PEX14: variants seen among roughly 807,000 people sequenced by gnomAD.
The protein encoded by PEX14 is peroxisomal membrane protein PEX14.
In PEX14, 15 loss-of-function variants were observed where a neutral mutation model predicts 49.5. That is an observed-to-expected ratio of 0.30 (90% confidence interval 0.20 to 0.47). The LOEUF is 0.47. PEX14 is among the 20% of genes least tolerant of loss of function. The pLI, the probability that PEX14 is intolerant of heterozygous loss-of-function variation, is 1.00. For synonymous variants in PEX14, 210 were observed against 212.7 expected (o/e 0.99, Z 0.11); for missense variants, 398 against 494.8 (o/e 0.80, Z 1.86).
rs141569127 is a variant in PEX14 at position 10,493,150 on chromosome 1, C to T, written c.37-2124C>T. Among the ~76,000 whole-genome samples, 394 of 152,264 alleles carry T rather than the reference C, an allele frequency of 2.6e-3. 1 individual carries two copies. The highest frequency in any genetic ancestry group is 8.9e-3 in the African/African-American group (368 of 41,550). On this transcript the variant is annotated intron_variant, in intron 1 of 8. Coordinates refer to ENST00000356607, the MANE Select transcript of PEX14 (RefSeq NM_004565.3). Reference sequence around the variant, plus strand: ...AGACCTGAGGTGTAGTCAGAGTAGACGTGAGGCCTTGTAGGCCACGCTGAG... The same window carrying T: ...AGACCTGAGGTGTAGTCAGAGTAGATGTGAGGCCTTGTAGGCCACGCTGAG...
chr1:10,627,967 G>A (rs999736992), intron 8 of PEX14, among the ~76,000 whole-genome samples: 2 of 151,926 alleles, frequency 1.3e-5, no homozygotes, highest in East Asian at 1.9e-4. Flanking sequence ...ATGGAGTCTC[G>A]CTCTGTTGCC....
intron 5 of PEX14, among the ~76,000 whole-genome samples, chr1:10,622,373 C>T (rs1464590739): frequency 6.6e-6 from 1 of 152,202 alleles, no homozygotes; most frequent in Non-Finnish European, 1.5e-5. Flanking sequence ...GAAGTTTGTT[C>T]TGAGGATTCA....
chr1:10,554,879 G>T (rs1639440907), intron 3 of PEX14, among the ~76,000 whole-genome samples: 1 of 152,014 alleles, frequency 6.6e-6, no homozygotes, highest in South Asian at 2.1e-4. Flanking sequence ...CATACACCCA[G>T]CTAATTTTTG....
chr1:10,537,341 A>ACCCG (rs1553187431), intron 3 of PEX14, among the ~76,000 whole-genome samples: 2 of 28,448 alleles, frequency 7.0e-5, no homozygotes, highest in African/African-American at 2.8e-4. Context: ...TTGTGCCAGC[A>ACCCG]CCCCCCCCCC....
At chr1:10,486,408 A>G (rs1374991735) in intron 1 of PEX14, among the ~76,000 whole-genome samples, 4 of 148,424 alleles carry the variant, frequency 2.7e-5, no homozygotes, top group Non-Finnish European at 5.9e-5. Context: ...GGCCAGGCAC[A>G]GTGGCTCACG....
At chr1:10,479,945 G>A (rs1196653061) in intron 1 of PEX14, among the ~76,000 whole-genome samples, 1 of 152,124 alleles carries the variant, frequency 6.6e-6, no homozygotes, top group East Asian at 1.9e-4. Flanking sequence ...TGTAGTGCAC[G>A]ATGATCACAT....
intron 7 of PEX14, among the ~76,000 whole-genome samples, chr1:10,625,286 A>G (rs895530827): frequency 6.6e-6 from 1 of 152,028 alleles, no homozygotes; most frequent in Non-Finnish European, 1.5e-5. Flanking sequence ...GTAGCTCCAG[A>G]ACACCCACTG....
chr1:10,616,965 A>C (rs989222316), intron 4 of PEX14: 3 of 151,822 alleles, frequency 2.0e-5, no homozygotes, highest in Non-Finnish European at 4.4e-5. Context: ...TTCTGCATCA[A>C]TATGGTGACC....
chr1:10,612,411 A>G (rs1641299829), intron 4 of PEX14, among the ~76,000 whole-genome samples: 1 of 152,130 alleles, frequency 6.6e-6, no homozygotes, highest in African/African-American at 2.4e-5. Flanking sequence ...CTTCCTGCCT[A>G]AAGATGACAC....
intron 2 of PEX14, 79 bp from the exon 3 acceptor site, chr1:10,536,134 A>G: frequency 1.1e-6 from 1 of 922,536 alleles, no homozygotes; most frequent in Non-Finnish European, 1.8e-6. Context: ...TGGAGCTGGG[A>G]AAAACTCCTA....
At chr1:10,627,009 C>T (rs938231026) in intron 7 of PEX14, among the ~76,000 whole-genome samples, 17 of 152,208 alleles carry the variant, frequency 1.1e-4, no homozygotes. Context: ...CTCTAAAAGA[C>T]GCCCACGATA....
At chr1:10,580,312 C>T (rs1640276951) in intron 3 of PEX14, among the ~76,000 whole-genome samples, 3 of 152,102 alleles carry the variant, frequency 2.0e-5, no homozygotes, top group Non-Finnish European at 4.4e-5. Context: ...GCAACTTCTG[C>T]CTCCCAGGTT....
intron 3 of PEX14, among the ~76,000 whole-genome samples, chr1:10,561,282 G>C (rs1570268981): frequency 6.6e-6 from 1 of 152,072 alleles, no homozygotes; most frequent in Non-Finnish European, 1.5e-5. Flanking sequence ...CATTTCTTTT[G>C]TATCTCAGAT....
At chr1:10,580,132 A>G (rs1325895084) in intron 3 of PEX14, among the ~76,000 whole-genome samples, 1 of 152,190 alleles carries the variant, frequency 6.6e-6, no homozygotes, top group Non-Finnish European at 1.5e-5. Flanking sequence ...ACAATAATGT[A>G]GTGTTAGATT....
At chr1:10,486,637 C>T (rs1641373209) in intron 1 of PEX14, among the ~76,000 whole-genome samples, 1 of 151,766 alleles carries the variant, frequency 6.6e-6, no homozygotes, top group East Asian at 1.9e-4. Context: ...AGCTATGTCA[C>T]ACCACTGCAC....
chr1:10,522,854 T>C (rs892864521), intron 2 of PEX14, among the ~76,000 whole-genome samples: 1 of 152,264 alleles, frequency 6.6e-6, no homozygotes, highest in South Asian at 2.1e-4. Context: ...CTGGGAATTA[T>C]GTAAAATGGA....
chr1:10,624,884 C>T (rs182462117), intron 7 of PEX14, among the ~76,000 whole-genome samples: 3 of 152,208 alleles, frequency 2.0e-5, no homozygotes, highest in Non-Finnish European at 2.9e-5. Context: ...CCATCCACAC[C>T]GCAGTGCAGC....
Position 10,570,917 on chromosome 1 carries a change from A to C in PEX14, c.170-28321A>C, listed in dbSNP as rs373828473. ...GGCTGGAGTGCAGTGGCGTGATCAC[A>C]GCTCACTGCAGTCTTGACCTCCCCA... On this transcript the variant is annotated intron_variant, in intron 3 of 8. Transcript: ENST00000356607. 3.2e-3 allele frequency among the ~76,000 whole-genome samples: 437 copies of C among 135,958 alleles called. 2 individuals are homozygous for C. The highest frequency in any genetic ancestry group is 0.011 in the African/African-American group (401 of 37,106). 89.2% of individuals were successfully genotyped at this position (135,958 alleles called of 152,430 possible). A position where few individuals can be genotyped will look rare whatever the true frequency, so the allele number is the denominator to read the frequency against.
In PEX14 at chr1:10,618,367, C is replaced by T; in HGVS notation, c.334C>T (p.Leu112=). The T allele has an allele frequency of 6.2e-7, 1 of 1,613,964 alleles. No individual in the cohort carries two copies. The highest frequency in any genetic ancestry group is 8.5e-7 in the Non-Finnish European group (1 of 1,180,024). Residue 112 remains leucine, a synonymous_variant, in exon 5 of 9, where the codon CTG becomes TTG. Transcript: ENST00000356607. ...AGSRWRDYGA[L]AIIMAGIAFG... The stretch of plus-strand genomic sequence containing the variant: ...CTCCCGATGGCGAGATTACGGCGCC[C>T]TGGCCATCATCATGGCAGGCATTGC...
Sources: allele counts gnomAD v4.1 joint callset (sites outside exome capture counted in the v4.1 genomes callset), GRCh38; gene constraint gnomAD v4.1.1; transcripts MANE v1.5; gene names NCBI Gene and HGNC (gene_info 2026-07-23, HGNC 2026-07-21).